The following PHTF2 variants were observed in gnomAD, a reference collection of about 807,000 sequenced individuals.
PHTF2 encodes the protein putative homeodomain transcription factor 2.
A neutral mutation model predicts 101.2 loss-of-function variants in PHTF2; 60 were observed. The ratio of observed to expected loss-of-function variants is 0.59; its 90% confidence interval spans 0.48 to 0.73. The LOEUF is 0.73. Ranked by LOEUF, PHTF2 falls within the 30% of genes least tolerant of loss-of-function variation. The pLI is 0.00. For missense variants in PHTF2, 747 were observed against 908.7 expected, an observed-to-expected ratio of 0.82 and a Z score of 2.29; for synonymous variants, 311 against 307.3, an observed-to-expected ratio of 1.01 and a Z score of -0.13.
Position 77,939,589 on chromosome 7 carries a change from CAAAAAAAA to C in PHTF2, c.1468-429_1468-422del, listed in dbSNP as rs914007792. On this transcript the variant is annotated intron_variant, in intron 13 of 19. Transcript: ENST00000416283. The stretch of plus-strand genomic sequence containing the variant: ...TGGGCAATAGAGTGAGACCCTGTCT[CAAAAAAAA>C]AAAAAAAAAAAGAAAACAGAAAGAA... 2.5e-3 allele frequency among the ~76,000 whole-genome samples: 185 copies of C among 75,114 alleles called. 1 individual carries two copies. The highest frequency in any genetic ancestry group is 7.1e-3 in the African/African-American group (179 of 25,252). 49.3% of individuals were successfully genotyped at this position (75,114 alleles called of 152,430 possible).
At chr7:77,896,106 T>C (rs1182073411) in intron 5 of PHTF2, 1 of 152,164 alleles carries the variant, frequency 6.6e-6, no homozygotes, top group Non-Finnish European at 1.5e-5. Flanking sequence ...GATTGCACAA[T>C]ATTGTGGATG....
chr7:77,864,536 C>T (rs1394568934), intron 3 of PHTF2, among the ~76,000 whole-genome samples: 1 of 152,208 alleles, frequency 6.6e-6, no homozygotes, highest in Non-Finnish European at 1.5e-5. Flanking sequence ...CCTTCTAACA[C>T]CATCCCTCCA....
At chr7:77,927,177 A>AAAAAAAT (rs1554388762) in intron 11 of PHTF2, among the ~76,000 whole-genome samples, 152 of 78,042 alleles carry the variant, frequency 1.9e-3, no homozygotes, top group Non-Finnish European at 2.9e-3. Context: ...AAAAAAAAAA[A>AAAAAAAT]ATATATATAT....
intron 10 of PHTF2, 39 bp from the exon 10 acceptor site, chr7:77,922,584 G>A (rs1186561926): frequency 6.5e-7 from 1 of 1,535,980 alleles, no homozygotes; most frequent in East Asian, 2.3e-5. Context: ...AGGTTGGTTA[G>A]AAATTACCTA....
chr7:77,826,669 A>G (rs1315570175), intron 1 of PHTF2, among the ~76,000 whole-genome samples: 1 of 152,240 alleles, frequency 6.6e-6, no homozygotes, highest in Non-Finnish European at 1.5e-5. Context: ...TCTTGGCCAC[A>G]TCTAACTGCA....
intron 2 of PHTF2, among the ~76,000 whole-genome samples, chr7:77,852,355 C>G (rs1318468341): frequency 6.6e-6 from 1 of 152,118 alleles, no homozygotes; most frequent in Non-Finnish European, 1.5e-5. Flanking sequence ...AGATTTCTTG[C>G]TTTTTATTTT....
At chr7:77,911,776 C>T (rs573104274) in intron 9 of PHTF2, among the ~76,000 whole-genome samples, 1 of 152,302 alleles carries the variant, frequency 6.6e-6, no homozygotes, top group East Asian at 1.9e-4. Context: ...ACCTATTCTT[C>T]CTCCAGGGAC....
chr7:77,819,945 A>G (rs1005697485), intron 1 of PHTF2, among the ~76,000 whole-genome samples: 10 of 152,098 alleles, frequency 6.6e-5, no homozygotes, highest in African/African-American at 1.9e-4. Context: ...GCTGGAGTGC[A>G]ATGGTGTGAT....
At chr7:77,897,348 T>A (rs998210121) in intron 5 of PHTF2, among the ~76,000 whole-genome samples, 26 of 151,042 alleles carry the variant, frequency 1.7e-4, no homozygotes, top group Admixed American at 1.1e-3. Context: ...GAGTTTTTTT[T>A]AAATAAAAAA....
At chr7:77,925,693 C>T (rs1803927555) in intron 11 of PHTF2, among the ~76,000 whole-genome samples, 1 of 151,666 alleles carries the variant, frequency 6.6e-6, no homozygotes, top group Non-Finnish European at 1.5e-5. Flanking sequence ...TTGATGCACC[C>T]ACCTGGACCT....
chr7:77,823,657 G>A (rs1376555719), intron 1 of PHTF2, among the ~76,000 whole-genome samples: 4 of 152,200 alleles, frequency 2.6e-5, no homozygotes, highest in Non-Finnish European at 2.9e-5. Context: ...TTTAGACAAG[G>A]AATATTACCT....
At chr7:77,926,928 T>C (rs1256679495) in intron 11 of PHTF2, among the ~76,000 whole-genome samples, 1 of 151,790 alleles carries the variant, frequency 6.6e-6, no homozygotes, top group Non-Finnish European at 1.5e-5. Context: ...GAGGCTGAGG[T>C]GGGCTGATCA....
chr7:77,853,355 T>C (rs902776752), intron 2 of PHTF2, among the ~76,000 whole-genome samples: 1 of 152,090 alleles, frequency 6.6e-6, no homozygotes, highest in African/African-American at 2.4e-5. Flanking sequence ...TGACAGACTT[T>C]GATGTTTTCT....
intron 1 of PHTF2, among the ~76,000 whole-genome samples, chr7:77,819,381 T>C (rs1794096668): frequency 6.6e-6 from 1 of 152,252 alleles, no homozygotes; most frequent in Admixed American, 6.5e-5. Context: ...TTGCCATATA[T>C]GGCCTTTATT....
chr7:77,947,136 A>ACAACAACAG lies in PHTF2; in HGVS notation c.1960-2539_1960-2538insCAACAGCAA, dbSNP rs1806116861. 3.3e-5 allele frequency among the ~76,000 whole-genome samples: 5 copies of ACAACAACAG among 151,726 alleles called. No individual in the cohort carries two copies. In the South Asian group the frequency reaches 1.0e-3, roughly 32 times the overall value. ...GACCCTGTCTTTAAAAACAACAACAACAAACGCATATGTTATTTTCAATAG... is the reference window on the plus strand; with the variant it reads ...GACCCTGTCTTTAAAAACAACAACAACAACAACAGCAAACGCATATGTTATTTTCAATAG... On this transcript the variant is annotated intron_variant, in intron 16 of 19. Transcript: ENST00000416283.
intron 1 of PHTF2, among the ~76,000 whole-genome samples, chr7:77,819,282 G>C (rs769152721): frequency 6.6e-6 from 1 of 152,186 alleles, no homozygotes; most frequent in Admixed American, 6.5e-5. Context: ...TTGAATAAGA[G>C]TTGTGAAAGT....
intron 3 of PHTF2, among the ~76,000 whole-genome samples, chr7:77,876,856 T>C (rs932441926): frequency 2.6e-5 from 4 of 152,208 alleles, no homozygotes; most frequent in Non-Finnish European, 5.9e-5. Context: ...TAAGAGTGTG[T>C]TTTAAATAAT....
intron 1 of PHTF2, among the ~76,000 whole-genome samples, chr7:77,835,791 A>C (rs1464022854): frequency 2.0e-5 from 3 of 152,172 alleles, no homozygotes; most frequent in African/African-American, 7.2e-5. Context: ...ATTACAATAA[A>C]GTAAGCTAGA....
At chr7:77,866,065 T>A (rs534632546) in intron 3 of PHTF2, among the ~76,000 whole-genome samples, 46 of 151,322 alleles carry the variant, frequency 3.0e-4, no homozygotes, top group Non-Finnish European at 5.7e-4. Flanking sequence ...ACACCTGTAG[T>A]CCCAGCTATT....
Sources: gnomAD v4.1 joint callset for allele counts (sites outside exome capture counted in the v4.1 genomes callset) on GRCh38, gnomAD v4.1.1 for gene constraint, MANE v1.5 for transcripts, NCBI Gene and HGNC (gene_info 2026-07-23, HGNC 2026-07-21) for gene names.